CACNA2D2: variants seen among roughly 807,000 people sequenced by gnomAD.
CACNA2D2 encodes voltage-dependent calcium channel subunit alpha-2/delta-2.
Under a neutral mutation model 166.4 loss-of-function variants are expected in CACNA2D2, and 48 were observed. That is an observed-to-expected ratio of 0.29 (90% CI 0.23 to 0.37). The LOEUF is 0.37. Ranked by LOEUF, CACNA2D2 falls within the 10% of genes least tolerant of loss-of-function variation. The probability of loss-of-function intolerance (pLI) is 1.00; values close to 1 mark genes in which losing one functional copy is unlikely to be tolerated. For synonymous variants in CACNA2D2, 561 were observed against 573.7 expected, an observed-to-expected ratio of 0.98 and a Z score of 0.32; for missense variants, 1,122 against 1,433.0, an observed-to-expected ratio of 0.78 and a Z score of 3.50.
chr3:50,369,255 G>A lies in CACNA2D2; in HGVS notation c.2046-1020C>T, dbSNP rs183721501. 2.2e-3 allele frequency among the ~76,000 whole-genome samples: 334 copies of A among 152,336 alleles called. 2 individuals carry two copies. The highest frequency in any genetic ancestry group is 0.01 in the Admixed American group (154 of 15,308). On this transcript the variant is annotated intron_variant, in intron 23 of 37. Coordinates refer to ENST00000424201, the MANE Select transcript of CACNA2D2 (RefSeq NM_006030.4). ...ATACACAGTATGCACGTGCACATTT[G>A]TGAGGTACTTCATTCACTCACCCTC...
chr3:50,478,999 T>C (rs897853305), intron 1 of CACNA2D2, among the ~76,000 whole-genome samples: 1 of 152,188 alleles, frequency 6.6e-6, no homozygotes, highest in Non-Finnish European at 1.5e-5. Flanking sequence ...AGAAAATTAA[T>C]TGGGAGAAGA....
At chr3:50,401,623 A>G (rs1191408534) in intron 3 of CACNA2D2, among the ~76,000 whole-genome samples, 1 of 152,088 alleles carries the variant, frequency 6.6e-6, no homozygotes, top group African/African-American at 2.4e-5. Context: ...GCTATGTTGT[A>G]TTTTGCCAAG....
chr3:50,462,017 T>C (rs1431881270), intron 2 of CACNA2D2, among the ~76,000 whole-genome samples: 4 of 152,174 alleles, frequency 2.6e-5, no homozygotes, highest in Non-Finnish European at 2.9e-5. Flanking sequence ...CCCAGGTGTA[T>C]GAGAGCCAGG....
intron 2 of CACNA2D2, among the ~76,000 whole-genome samples, chr3:50,442,380 G>A (rs1408251374): frequency 6.6e-6 from 1 of 152,202 alleles, no homozygotes; most frequent in Non-Finnish European, 1.5e-5. Context: ...AGCGTAGGCT[G>A]CTGAGTGCCT....
chr3:50,364,661 G>GCAC lies in CACNA2D2; in HGVS notation c.*4_*5insGTG, dbSNP rs1428877460. 2 of 1,515,810 alleles carry GCAC rather than the reference G, an allele frequency of 1.3e-6. No homozygotes were observed. The highest frequency in any genetic ancestry group is 1.8e-6 in the Non-Finnish European group (2 of 1,129,860). The allele number at this position is 1,515,810 out of a possible 1,614,324, so 93.9% of individuals were successfully genotyped here. On this transcript the variant is annotated 3_prime_UTR_variant, in exon 38 of 38. Transcript: ENST00000424201. Reference sequence around the variant, plus strand: ...TGGGAGTGGAGGTGGGGTGGGGCAGGGTGCTCAGAGGCGGCGAGAGGCGTG... The same window carrying GCAC: ...TGGGAGTGGAGGTGGGGTGGGGCAGGCACGTGCTCAGAGGCGGCGAGAGGCGTG...
At chr3:50,470,740 T>G (rs1312053696) in intron 2 of CACNA2D2, among the ~76,000 whole-genome samples, 2 of 150,674 alleles carry the variant, frequency 1.3e-5, no homozygotes, top group African/African-American at 4.9e-5. Context: ...TGCCCCCAGG[T>G]CTGGGCCTGG....
chr3:50,495,989 G>A (rs1447750077), intron 1 of CACNA2D2, among the ~76,000 whole-genome samples: 9 of 152,230 alleles, frequency 5.9e-5, no homozygotes. Context: ...CTGTCATCAC[G>A]CCAGTTGGTA....
At chr3:50,492,826 T>C (rs1411169843) in intron 1 of CACNA2D2, among the ~76,000 whole-genome samples, 2 of 151,598 alleles carry the variant, frequency 1.3e-5, no homozygotes, top group African/African-American at 4.8e-5. Context: ...GGCTAGGGGT[T>C]GCCTGGAGGA....
rs771379215 is a variant in CACNA2D2, at chr3:50,367,828, C to T, written c.2218G>A (p.Asp740Asn). ...GATGCCTACGTGTTGAGATCCTGGTCCCTCCACACACGCTCTACCAGCTGC... is the reference window on the plus strand; with the variant it reads ...GATGCCTACGTGTTGAGATCCTGGTTCCTCCACACACGCTCTACCAGCTGC... ...TQQLVERVWRDQDLNTYSLLA... is the reference protein window; with the variant it reads ...TQQLVERVWRNQDLNTYSLLA... Residue 740 changes from aspartate (D) to asparagine (N), a missense_variant, in exon 25 of 38, where the codon GAC (aspartate) becomes AAC (asparagine). By Grantham distance (23) the Asp-to-Asn change is conservative. Transcript: ENST00000424201. This position sits in a 1 kb window ranked among gnomAD's most constrained non-coding sequence, Gnocchi z 6.5. 16 of 1,613,614 alleles carry T rather than the reference C, an allele frequency of 9.9e-6. No individual in the cohort carries two copies. The highest frequency in any genetic ancestry group is 1.4e-5 in the Non-Finnish European group (16 of 1,179,852).
intron 2 of CACNA2D2, among the ~76,000 whole-genome samples, chr3:50,453,117 G>C (rs549189737): frequency 1.3e-5 from 2 of 152,236 alleles, no homozygotes; most frequent in African/African-American, 4.8e-5. Flanking sequence ...ACATCACTGA[G>C]ACCCTAACAC....
intron 5 of CACNA2D2, among the ~76,000 whole-genome samples, chr3:50,384,538 G>A (rs1171261043): frequency 6.6e-6 from 1 of 152,196 alleles, no homozygotes; most frequent in East Asian, 1.9e-4. Context: ...CAAGGGGCCT[G>A]TGACTCCCAT....
chr3:50,458,412 T>A (rs1435515859), intron 2 of CACNA2D2, among the ~76,000 whole-genome samples: 3 of 152,186 alleles, frequency 2.0e-5, no homozygotes, highest in Non-Finnish European at 4.4e-5. Flanking sequence ...CAAACTGTGT[T>A]CCCTGGAGTC....
chr3:50,410,910 A>C (rs1706981142), intron 3 of CACNA2D2, among the ~76,000 whole-genome samples: 1 of 152,256 alleles, frequency 6.6e-6, no homozygotes, highest in Admixed American at 6.5e-5. Context: ...ACACATGTGC[A>C]CATGTGCAGA....
At chr3:50,368,573 C>T (rs1041211603) in intron 23 of CACNA2D2, among the ~76,000 whole-genome samples, 11 of 152,328 alleles carry the variant, frequency 7.2e-5, no homozygotes, top group Non-Finnish European at 1.5e-4. Flanking sequence ...TGCTCATCCA[C>T]GTGTATGCCC....
At chr3:50,378,720 G>A (rs936309079) in intron 13 of CACNA2D2, among the ~76,000 whole-genome samples, 195 bp downstream of exon 13, 3 of 152,182 alleles carry the variant, frequency 2.0e-5, no homozygotes, top group African/African-American at 7.2e-5. Flanking sequence ...ACAGACAGAC[G>A]GGCAAAAAGA....
chr3:50,414,230 G>T (rs1216820370), intron 3 of CACNA2D2, among the ~76,000 whole-genome samples: 1 of 151,900 alleles, frequency 6.6e-6, no homozygotes, highest in Non-Finnish European at 1.5e-5. Context: ...CCCACACAGA[G>T]CCCAAGGTTA....
chr3:50,450,344 C>T (rs533040691), intron 2 of CACNA2D2, among the ~76,000 whole-genome samples: 189 of 151,318 alleles, frequency 1.2e-3, no homozygotes, highest in African/African-American at 4.2e-3. Flanking sequence ...CCCGCACCGC[C>T]TCCCCTACCC....
Position 50,384,212 on chromosome 3 carries a change from C to A in CACNA2D2, c.636G>T (p.Thr212=). Residue 212 remains threonine, a synonymous_variant, in exon 6 of 38, where the codon ACG becomes ACT. Coordinates refer to ENST00000424201, the MANE Select transcript of CACNA2D2 (RefSeq NM_006030.4). ...NYSYAAVQIP[T]DIYKGSTVIL... The stretch of plus-strand genomic sequence containing the variant: ...CACACTCACAGCCTTTGTAGATGTC[C>A]GTAGGGATCTGTACAGCCGCGTATG... The A allele has an allele frequency of 6.2e-7, 1 of 1,614,070 alleles. No individual in the cohort carries two copies. The highest frequency in any genetic ancestry group is 8.5e-7 in the Non-Finnish European group (1 of 1,179,962).
chr3:50,442,932 T>C (rs923417766), intron 2 of CACNA2D2, among the ~76,000 whole-genome samples: 7 of 152,160 alleles, frequency 4.6e-5, no homozygotes, highest in African/African-American at 1.7e-4. Context: ...CACAGCCACA[T>C]GGACACCAGC....
Sources: allele counts gnomAD v4.1 joint callset (sites outside exome capture counted in the v4.1 genomes callset), GRCh38; gene constraint gnomAD v4.1.1; non-coding constraint Gnocchi (gnomAD v3.1); transcripts MANE v1.5; gene names NCBI Gene and HGNC (gene_info 2026-07-23, HGNC 2026-07-21).